Variants in CCNE2 observed in about 807,000 individuals in gnomAD.
The protein encoded by CCNE2 is G1/S-specific cyclin-E2.
Under a neutral mutation model 56.8 loss-of-function variants are expected in CCNE2, and 18 were observed. The ratio of observed to expected loss-of-function variants is 0.32; its 90% CI spans 0.22 to 0.47. The LOEUF is 0.47. CCNE2 is among the 20% of genes least tolerant of loss of function. CCNE2 has a pLI of 1.00. For synonymous variants in CCNE2, 139 were observed against 149.2 expected (o/e 0.93, Z 0.50); for missense variants, 371 against 467.1 (o/e 0.79, Z 1.90).
At chr8:94,888,541 GTT>G (rs1393623284) in intron 6 of CCNE2, among the ~76,000 whole-genome samples, 1 of 144,138 alleles carries the variant, frequency 6.9e-6, no homozygotes, top group Admixed American at 7.0e-5. Context: ...ATATACCAGA[GTT>G]TTTTTTTTTT....
At position 94,894,214 on chromosome 8, in the gene CCNE2, C is replaced by T. The variant is rs750728492; in HGVS notation, c.8G>A (p.Arg3Lys). The change falls in exon 2 of 12, where the codon AGA becomes AAA. Residue 3 changes from arginine to lysine, a missense_variant. Transcript: ENST00000308108. MS[R>K]RSSRLQAKQQ... Reference sequence around the variant, plus strand: ...CTAAGACAGATAATGTTACCTTCGTCTTGACATTCTCTTCTTTCAGGTGTA... The same window carrying T: ...CTAAGACAGATAATGTTACCTTCGTTTTGACATTCTCTTCTTTCAGGTGTA... 3 of 1,614,130 alleles carry T rather than the reference C, an allele frequency of 1.9e-6. No homozygotes were observed. Among genetic ancestry groups the T allele is most frequent in the Middle Eastern group, 1.7e-4 (1 of 6,014 alleles).
upstream of CCNE2, among the ~76,000 whole-genome samples, chr8:94,895,448 G>A (rs986915374): frequency 1.3e-5 from 2 of 152,152 alleles, no homozygotes; most frequent in Non-Finnish European, 2.9e-5. Context: ...GAAACTCTCA[G>A]GGGCTCCTTC....
At chr8:94,883,988 T>C (rs559123253) in intron 9 of CCNE2, 38 of 443,188 alleles carry the variant, frequency 8.6e-5, no homozygotes, top group African/African-American at 6.6e-4. Context: ...TATCGGCTTA[T>C]CAAAGATTTA....
intron 9 of CCNE2, chr8:94,883,889 T>C (rs1020687996): frequency 8.6e-5 from 39 of 456,100 alleles, no homozygotes; most frequent in Non-Finnish European, 1.3e-4. Context: ...TTTGTCCTCA[T>C]TGGTCCAGAA....
intron 9 of CCNE2, chr8:94,883,699 A>G (rs1355570383): frequency 7.8e-6 from 2 of 257,134 alleles, no homozygotes; most frequent in Non-Finnish European, 1.7e-5. Flanking sequence ...ATACCTTAGA[A>G]TGCAGTGAAG....
chr8:94,894,935 C>G (rs77733982), intron 1 of CCNE2, among the ~76,000 whole-genome samples: 7,772 of 152,262 alleles, frequency 0.051, 251 homozygotes, highest in Middle Eastern at 0.068. Context: ...CACGGGATAG[C>G]TCCCCAAATG....
chr8:94,891,682 A>AC, intron 5 of CCNE2: 1 of 542,170 alleles, frequency 1.8e-6, no homozygotes, highest in Non-Finnish European at 3.2e-6. Context: ...AAAAAAAAAC[A>AC]CCATGAAGTA....
At chr8:94,882,097 G>C in intron 11 of CCNE2, 35 bp downstream of exon 11, 1 of 1,570,194 alleles carries the variant, frequency 6.4e-7, no homozygotes, top group Non-Finnish European at 8.6e-7. Context: ...ACTAGATTCA[G>C]ATAGCAAAGC....
chr8:94,894,570 G>A (rs1270907966), intron 1 of CCNE2: 2 of 268,626 alleles, frequency 7.4e-6, no homozygotes, highest in Non-Finnish European at 1.4e-5. Flanking sequence ...CCGTACACCG[G>A]GAGTGGGGCT....
At chr8:94,896,302 C>T (rs941812910), upstream of CCNE2, 2 of 149,248 alleles carry the variant, frequency 1.3e-5, no homozygotes, top group African/African-American at 4.9e-5. Context: ...CCTGCGGAGC[C>T]CGCGCGAGCC....
At chr8:94,893,281 G>A (rs1817312781) in intron 4 of CCNE2, among the ~76,000 whole-genome samples, 1 of 148,040 alleles carries the variant, frequency 6.8e-6, no homozygotes, top group African/African-American at 2.5e-5. Flanking sequence ...CAAGATCACA[G>A]AATCGTTCTC....
At chr8:94,889,623 T>A (rs1220161802) in intron 6 of CCNE2, among the ~76,000 whole-genome samples, 1 of 152,206 alleles carries the variant, frequency 6.6e-6, no homozygotes, top group African/African-American at 2.4e-5. Flanking sequence ...GCTTCTGAGA[T>A]CTATTCTGCC....
rs2131125932 is a variant in CCNE2, at chr8:94,894,012, C to G, written c.111+11G>C. 2 of 1,613,940 alleles carry G rather than the reference C, an allele frequency of 1.2e-6. No individual in the cohort carries two copies. The highest frequency in any genetic ancestry group is 3.3e-4 in the Middle Eastern group (2 of 6,062). On this transcript the variant is annotated intron_variant, in intron 3 of 11. Coordinates refer to ENST00000308108, the MANE Select transcript of CCNE2 (RefSeq NM_057749.3). Reference sequence around the variant, plus strand: ...TGGAATTTCGTTCCTCCCTCTTTCTCCTTAAATCACCTGGGTAGTTTTCCT... The same window carrying G: ...TGGAATTTCGTTCCTCCCTCTTTCTGCTTAAATCACCTGGGTAGTTTTCCT...
intron 8 of CCNE2, 68 bp from the exon 9 acceptor site, chr8:94,885,269 C>T: frequency 6.9e-7 from 1 of 1,449,722 alleles, no homozygotes; most frequent in Non-Finnish European, 9.6e-7. Flanking sequence ...TACAGCAGAG[C>T]TTAGAGGTTA....
rs750715304 is a variant in CCNE2 at position 94,882,811 on chromosome 8, T to C, written c.913A>G (p.Thr305Ala). Residue 305 changes from threonine to alanine, a missense_variant, in exon 10 of 12, where the codon ACC becomes GCC. Thr to Ala is a moderately conservative substitution (Grantham distance 58). Transcript: ENST00000308108. ...GCTTTCTTAACCACTTCAATGGAGG[T>C]AAAATGGCACAAGGCAGCAGCAGTC... is the stretch of plus-strand genomic sequence containing the variant. ...ILTAAALCHF[T>A]SIEVVKKASG... 1.9e-6 allele frequency: 3 copies of C among 1,613,550 alleles called. No homozygotes were observed. The African/African-American group carries it at 4.0e-5, about 22-fold the overall frequency.
At chr8:94,882,108 CAA>C in intron 11 of CCNE2, 22 bp downstream of exon 11, 1 of 1,583,730 alleles carries the variant, frequency 6.3e-7, no homozygotes, top group Non-Finnish European at 8.6e-7. Context: ...ATAGCAAAGC[CAA>C]AAAACTCACA....
chr8:94,882,854 C>T lies in CCNE2; in HGVS notation c.870G>A (p.Glu290=). ...DLCILAIDSL[E]FQYRILTAAA... ...CAGCAGTCAGTATTCTGTACTGGAACTCTAATGAATCAATGGCTAGAATAC... is the reference window on the plus strand; with the variant it reads ...CAGCAGTCAGTATTCTGTACTGGAATTCTAATGAATCAATGGCTAGAATAC... The change falls in exon 10 of 12, where the codon GAG becomes GAA. Residue 290 remains glutamate, a synonymous_variant. Coordinates refer to ENST00000308108, the MANE Select transcript of CCNE2 (RefSeq NM_057749.3). 2 of 1,613,648 alleles carry T rather than the reference C, an allele frequency of 1.2e-6. No homozygotes were observed. The highest frequency in any genetic ancestry group is 8.5e-7 in the Non-Finnish European group (1 of 1,179,700).
intron 9 of CCNE2, chr8:94,883,684 G>T: frequency 4.2e-6 from 1 of 235,804 alleles, no homozygotes; most frequent in Non-Finnish European, 9.0e-6. Flanking sequence ...TCCATTTTAA[G>T]AAAGATACCT....
intron 9 of CCNE2, chr8:94,883,909 A>C: frequency 2.2e-6 from 1 of 456,264 alleles, no homozygotes; most frequent in Non-Finnish European, 4.4e-6. Context: ...AGGTAGGAGA[A>C]ATGGGAGAAG....
Sources: gnomAD v4.1 joint callset for allele counts (sites outside exome capture counted in the v4.1 genomes callset) on GRCh38, gnomAD v4.1.1 for gene constraint, MANE v1.5 for transcripts, NCBI Gene and HGNC (gene_info 2026-07-23, HGNC 2026-07-21) for gene names.